The following PBRM1 variants were observed in gnomAD, a reference collection of about 807,000 sequenced individuals.
PBRM1 encodes the protein polybromo 1, also known as protein polybromo-1.
In PBRM1, 27 loss-of-function variants were observed where a neutral mutation model predicts 194.5. The ratio of observed to expected loss-of-function variants is 0.14; its 90% CI spans 0.10 to 0.19. The LOEUF (loss-of-function observed/expected upper bound fraction) is 0.19. Among genes scored for constraint, PBRM1 ranks in the 10% least tolerant of loss-of-function variants. PBRM1 has a pLI of 1.00. For synonymous variants in PBRM1, 655 were observed against 693.2 expected, an observed-to-expected ratio of 0.94 and a Z score of 0.87; for missense variants, 1,466 against 2,077.2, an observed-to-expected ratio of 0.71 and a Z score of 5.72.
chr3:52,676,654 C>G (rs1440012746), intron 2 of PBRM1, among the ~76,000 whole-genome samples: 1 of 152,048 alleles, frequency 6.6e-6, no homozygotes, highest in Non-Finnish European at 1.5e-5. Flanking sequence ...GAAAAGATAC[C>G]CGAAAATGTG....
intron 22 of PBRM1, among the ~76,000 whole-genome samples, chr3:52,568,485 T>A (rs1337852259): frequency 1.3e-5 from 2 of 152,212 alleles, no homozygotes; most frequent in African/African-American, 2.4e-5. Context: ...TTTATACAGC[T>A]GAATTTATCA....
intron 17 of PBRM1, among the ~76,000 whole-genome samples, chr3:52,593,980 T>C (rs1576362767): frequency 6.6e-6 from 1 of 152,182 alleles, no homozygotes; most frequent in African/African-American, 2.4e-5. Context: ...CGGAATATCA[T>C]TGTTAATTTT....
At chr3:52,558,920 A>G (rs1358408934) in intron 25 of PBRM1, among the ~76,000 whole-genome samples, 2 of 152,210 alleles carry the variant, frequency 1.3e-5, no homozygotes, top group Non-Finnish European at 2.9e-5. Flanking sequence ...CATGGAGTTT[A>G]GCAGCTGAAG....
intron 22 of PBRM1, among the ~76,000 whole-genome samples, chr3:52,565,075 T>C (rs1366873742): frequency 1.3e-5 from 2 of 151,304 alleles, no homozygotes; most frequent in Non-Finnish European, 2.9e-5. Flanking sequence ...GGCGTGCACC[T>C]GTACTCCCAG....
intron 20 of PBRM1, among the ~76,000 whole-genome samples, chr3:52,580,635 T>C (rs1042304278): frequency 1.3e-5 from 2 of 152,222 alleles, no homozygotes; most frequent in African/African-American, 4.8e-5. Flanking sequence ...GTGCGGGGAT[T>C]ACAGGCGTGA....
At chr3:52,627,943 T>C (rs567492919) in intron 12 of PBRM1, among the ~76,000 whole-genome samples, 1 of 152,296 alleles carries the variant, frequency 6.6e-6, no homozygotes, top group South Asian at 2.1e-4. Context: ...ATTCTATGGG[T>C]GATCTAAAAT....
At chr3:52,630,502 G>T (rs188026871) in intron 11 of PBRM1, among the ~76,000 whole-genome samples, 1 of 152,308 alleles carries the variant, frequency 6.6e-6, no homozygotes, top group Non-Finnish European at 1.5e-5. Flanking sequence ...TATCACATTG[G>T]AATATTGATA....
chr3:52,587,358 C>T (rs2153788996), exon 19 of PBRM1: 1 of 1,605,704 alleles, frequency 6.2e-7, no homozygotes, highest in African/African-American at 1.3e-5. Context: ...CTTACCTTGA[C>T]AAACATGACC....
At chr3:52,594,270 T>C (rs959397725) in intron 17 of PBRM1, among the ~76,000 whole-genome samples, 7 of 152,240 alleles carry the variant, frequency 4.6e-5, no homozygotes, top group Admixed American at 6.5e-5. Context: ...CTGTATTGTG[T>C]GCATATATTA....
intron 22 of PBRM1, among the ~76,000 whole-genome samples, chr3:52,573,410 C>A (rs2088166080): frequency 6.6e-6 from 1 of 152,160 alleles, no homozygotes; most frequent in Non-Finnish European, 1.5e-5. Flanking sequence ...TCTCTTGCCT[C>A]AGCCTCTCTA....
intron 26 of PBRM1, among the ~76,000 whole-genome samples, chr3:52,556,272 C>T (rs1314960403): frequency 6.6e-6 from 1 of 152,058 alleles, no homozygotes. Context: ...TTACATAAAC[C>T]GAATGACAAA....
intron 2 of PBRM1, among the ~76,000 whole-genome samples, chr3:52,674,779 A>G (rs2097058858): frequency 6.6e-6 from 1 of 150,400 alleles, no homozygotes; most frequent in Non-Finnish European, 1.5e-5. Context: ...AATAAAAAAT[A>G]CGTTATATAT....
intron 16 of PBRM1, among the ~76,000 whole-genome samples, chr3:52,606,203 C>T (rs1576595820): frequency 6.6e-6 from 1 of 151,674 alleles, no homozygotes; most frequent in Admixed American, 6.6e-5. Flanking sequence ...TAAGGAAGGT[C>T]TTGCTATATT....
At chr3:52,666,656 C>G (rs751567908) in intron 3 of PBRM1, among the ~76,000 whole-genome samples, 1 of 152,112 alleles carries the variant, frequency 6.6e-6, no homozygotes, top group Admixed American at 6.5e-5. Context: ...CTTGGGAGAC[C>G]GAGGCGGGTC....
chr3:52,592,672 G>T (rs1186915741), intron 17 of PBRM1, among the ~76,000 whole-genome samples: 1 of 152,192 alleles, frequency 6.6e-6, no homozygotes, highest in African/African-American at 2.4e-5. Context: ...TGGCCTCAAA[G>T]AATGAGTTGG....
At chr3:52,673,360 A>G (rs1021603711) in intron 2 of PBRM1, among the ~76,000 whole-genome samples, 1 of 151,890 alleles carries the variant, frequency 6.6e-6, no homozygotes, top group Non-Finnish European at 1.5e-5. Flanking sequence ...AAAAAATTAA[A>G]TAATTTAAAA....
rs116061365 is a variant in PBRM1, at chr3:52,609,960, A to G, written c.1925-5T>C. ...GAGAAATGCCACTCTTCCTACCTAA[A>G]GAGAGATATTTAATGTTAAATGAAT... On this transcript the variant is annotated splice_polypyrimidine_tract_variant and splice_region_variant and intron_variant, in intron 15 of 29. Transcript: ENST00000296302. This position sits in a 1 kb window ranked among gnomAD's most constrained non-coding sequence, Gnocchi z 4.1. 4,700 of 1,459,978 alleles carry G rather than the reference A, an allele frequency of 3.2e-3. 101 individuals are homozygous for G. The African/African-American group carries it at 0.053, about 16-fold the overall frequency. 90.4% of individuals were successfully genotyped at this position (1,459,978 alleles called of 1,614,324 possible).
chr3:52,659,856 G>A (rs532612293), intron 4 of PBRM1, among the ~76,000 whole-genome samples: 1 of 152,316 alleles, frequency 6.6e-6, no homozygotes, highest in South Asian at 2.1e-4. Context: ...CTTTGGGAAG[G>A]TGAAGTGGGA....
intron 16 of PBRM1, among the ~76,000 whole-genome samples, chr3:52,605,918 A>C (rs1202806069): frequency 6.6e-6 from 1 of 150,864 alleles, no homozygotes; most frequent in Non-Finnish European, 1.5e-5. Context: ...AAGGTTTTAA[A>C]TATCTTTTGG....
Sources: allele counts gnomAD v4.1 joint callset (sites outside exome capture counted in the v4.1 genomes callset), GRCh38; gene constraint gnomAD v4.1.1; non-coding constraint Gnocchi (gnomAD v3.1); transcripts MANE v1.5; gene names NCBI Gene and HGNC (gene_info 2026-07-23, HGNC 2026-07-21).